Variants in OASL observed in about 807,000 individuals in gnomAD.
OASL encodes the protein 2'-5'-oligoadenylate synthase-like protein.
Under a neutral mutation model 35.3 loss-of-function variants are expected in OASL, and 28 were observed. That is an observed-to-expected ratio of 0.79 (90% confidence interval 0.59 to 1.09). OASL has a LOEUF of 1.09. Among genes scored for constraint, OASL ranks in the 50% least tolerant of loss-of-function variants. OASL has a pLI of 0.00. For synonymous variants in OASL, 252 were observed against 254.6 expected, an observed-to-expected ratio of 0.99 and a Z score of 0.10; for missense variants, 620 against 635.2, an observed-to-expected ratio of 0.98 and a Z score of 0.26.
chr12:121,021,021 C>T, exon 6 of OASL: 1 of 1,606,490 alleles, frequency 6.2e-7, no homozygotes, highest in Non-Finnish European at 8.5e-7. Flanking sequence ...ATCTGGGTAA[C>T]CCCTCTGCTC....
exon 1 of OASL, chr12:121,039,009 G>A: frequency 1.9e-6 from 3 of 1,574,554 alleles, no homozygotes; most frequent in Non-Finnish European, 2.6e-6. Context: ...CAGATATATA[G>A]CCAGGCTCCT....
chr12:121,024,905 G>A (rs185574659), intron 4 of OASL, among the ~76,000 whole-genome samples: 104 of 151,722 alleles, frequency 6.9e-4, no homozygotes, highest in Non-Finnish European at 1.2e-3. Flanking sequence ...ATTCTATAAG[G>A]TAGGGACTGT....
chr12:121,038,899 G>A, exon 1 of OASL: 1 of 1,614,124 alleles, frequency 6.2e-7, no homozygotes, highest in Non-Finnish European at 8.5e-7. Flanking sequence ...TCCCGGTGGG[G>A]CTGCAGCCAC....
intron 5 of OASL, among the ~76,000 whole-genome samples, chr12:121,022,895 CTTAG>C (rs1284632591): frequency 1.3e-5 from 2 of 152,114 alleles, no homozygotes; most frequent in Non-Finnish European, 2.9e-5. Context: ...GCAGAGTGCC[CTTAG>C]TTAATTAACC....
chr12:121,036,827 T>C (rs1869976143), intron 1 of OASL, among the ~76,000 whole-genome samples: 1 of 152,186 alleles, frequency 6.6e-6, no homozygotes. Context: ...ATAATGATGC[T>C]TCTGTTTCTG....
Position 121,031,427 on chromosome 12 carries a change from T to TG in OASL, c.657+14dup. The TG allele has an allele frequency of 6.2e-7, 1 of 1,610,826 alleles. No individual in the cohort carries two copies. The highest frequency in any genetic ancestry group is 2.2e-5 in the East Asian group (1 of 44,822). ...TTCCCTCTCCTTGCCCCTGCCATCC[T>TG]GGCAGCCCCCTCACCTGCTGGTACC... On this transcript the variant is annotated intron_variant, in intron 3 of 5. Coordinates refer to ENST00000257570, the Ensembl canonical transcript of OASL.
intron 2 of OASL, among the ~76,000 whole-genome samples, chr12:121,032,765 C>G (rs962986976): frequency 6.6e-5 from 10 of 152,132 alleles, no homozygotes; most frequent in Admixed American, 5.9e-4. Flanking sequence ...GACCCCCACT[C>G]CCACTTTTAG....
At chr12:121,024,083 T>C (rs1169231116) in exon 5 of OASL, 2 of 1,614,106 alleles carry the variant, frequency 1.2e-6, no homozygotes. Flanking sequence ...CGATGTCCCA[T>C]CTGTACCCTT....
chr12:121,031,411 C>A (rs1056836793), intron 3 of OASL, 31 bp downstream of exon 3: 2 of 1,607,164 alleles, frequency 1.2e-6, no homozygotes, highest in East Asian at 2.2e-5. Context: ...CTTCCCTCTC[C>A]TTGCCCCTGC....
intron 1 of OASL, among the ~76,000 whole-genome samples, chr12:121,038,380 T>A (rs1457804236): frequency 6.6e-6 from 1 of 152,174 alleles, no homozygotes; most frequent in Non-Finnish European, 1.5e-5. Context: ...CTATCTGATA[T>A]CTAGGCCAGT....
rs767901817 is a variant in OASL, at chr12:121,038,787, AGCACCCG to A, written c.178_184del (p.Arg60Ter). The A allele has an allele frequency of 6.2e-7, 1 of 1,614,016 alleles. No homozygotes were observed. The highest frequency in any genetic ancestry group is 2.2e-5 in the East Asian group (1 of 44,874). On this transcript the variant is annotated frameshift_variant, in exon 1 of 6. Transcript: ENST00000257570. LOFTEE classifies it high-confidence loss of function. ...GCCCAGTCTTACCTTGACTACCTTC[AGCACCCG>A]CACATCCTGGTCCAGCCCACGCTTC...
In OASL at chr12:121,023,276, CT is replaced by C. The variant is rs200607939; in HGVS notation, c.1047+713del. ...AGTTCTCTGAGAGTGAGGGTGGTGT[CT>C]TTTTTTTTTCTTTTTTTCTTTTTTT... On this transcript the variant is annotated intron_variant, in intron 5 of 5. Coordinates refer to ENST00000257570, the Ensembl canonical transcript of OASL. Among the ~76,000 whole-genome samples the C allele has an allele frequency of 2.0e-4, 23 of 115,552 alleles. 1 individual carries two copies. Among genetic ancestry groups the C allele is most frequent in the African/African-American group, 4.5e-4 (15 of 33,572 alleles). 75.8% of individuals were successfully genotyped at this position (115,552 alleles called of 152,430 possible). A position where few individuals can be genotyped will look rare whatever the true frequency, so the allele number is the denominator to read the frequency against.
At chr12:121,024,441 AC>A (rs1869396062) in intron 4 of OASL, among the ~76,000 whole-genome samples, 1 of 152,000 alleles carries the variant, frequency 6.6e-6, no homozygotes, top group Non-Finnish European at 1.5e-5. Context: ...ACGTGGTGAA[AC>A]CCTGTCTCTA....
intron 3 of OASL, among the ~76,000 whole-genome samples, chr12:121,028,637 C>T (rs577546477): frequency 2.7e-5 from 4 of 147,168 alleles, no homozygotes; most frequent in African/African-American, 9.8e-5. Flanking sequence ...CCCGCCCCCC[C>T]TACTGTTTAG....
At chr12:121,037,392 G>A (rs1869995448) in intron 1 of OASL, among the ~76,000 whole-genome samples, 1 of 152,022 alleles carries the variant, frequency 6.6e-6, no homozygotes, top group South Asian at 2.1e-4. Context: ...TCTCAGTGAG[G>A]GGGGCTTGGG....
chr12:121,028,187 T>C (rs1270336970), intron 3 of OASL, among the ~76,000 whole-genome samples: 1 of 152,142 alleles, frequency 6.6e-6, no homozygotes, highest in Non-Finnish European at 1.5e-5. Context: ...TTTCCTTAGA[T>C]AGAGGGAAAA....
exon 6 of OASL, chr12:121,020,488 T>C (rs780165315): frequency 3.9e-5 from 57 of 1,460,978 alleles, no homozygotes; most frequent in Non-Finnish European, 4.8e-5. Flanking sequence ...CAGTAGACAA[T>C]GGGACAGAGT....
chr12:121,025,261 C>T (rs1445403495), intron 4 of OASL, among the ~76,000 whole-genome samples: 1 of 152,024 alleles, frequency 6.6e-6, no homozygotes, highest in East Asian at 1.9e-4. Flanking sequence ...CAGGCATGAG[C>T]CACCGGTGCC....
At chr12:121,020,944 C>A in exon 6 of OASL, 2 of 1,614,126 alleles carry the variant, frequency 1.2e-6, no homozygotes, top group Non-Finnish European at 1.7e-6. Context: ...CCAGAGTAGC[C>A]CCTGGTCCTC....
Sources: allele counts gnomAD v4.1 joint callset (sites outside exome capture counted in the v4.1 genomes callset), GRCh38; gene constraint gnomAD v4.1.1; transcripts MANE v1.5; gene names NCBI Gene and HGNC (gene_info 2026-07-23, HGNC 2026-07-21).